The following TDRD12 variants were observed in gnomAD, a reference collection of about 807,000 sequenced individuals.
TDRD12 encodes the protein putative ATP-dependent RNA helicase TDRD12.
TDRD12 carries 158 observed loss-of-function variants against 133.5 expected under a neutral mutation model. The observed-to-expected ratio is 1.18, with a 90% CI of 1.04 to 1.35. The LOEUF is 1.35. TDRD12 is among the 40% of genes most tolerant of loss of function. The probability of loss-of-function intolerance (pLI) is 0.00; values close to 1 mark genes in which losing one functional copy is unlikely to be tolerated. For synonymous variants in TDRD12, 460 were observed against 477.9 expected, an observed-to-expected ratio of 0.96 and a Z score of 0.49; for missense variants, 1,443 against 1,321.3, an observed-to-expected ratio of 1.09 and a Z score of -1.43.
chr19:32,814,134 C>T (rs1967097378), intron 25 of TDRD12, among the ~76,000 whole-genome samples: 1 of 152,218 alleles, frequency 6.6e-6, no homozygotes, highest in African/African-American at 2.4e-5. Context: ...GCACCTGCCA[C>T]GTGCCAGGAG....
chr19:32,764,838 C>A (rs1458449622), intron 8 of TDRD12, among the ~76,000 whole-genome samples: 1 of 152,152 alleles, frequency 6.6e-6, no homozygotes, highest in East Asian at 1.9e-4. Context: ...GCAAGGACTT[C>A]ATGTCTAAAA....
intron 1 of TDRD12, among the ~76,000 whole-genome samples, chr19:32,721,851 G>A (rs1968690187): frequency 6.6e-6 from 1 of 151,620 alleles, no homozygotes; most frequent in African/African-American, 2.4e-5. Context: ...GGGACTACAG[G>A]CGGCCACCAC....
intron 3 of TDRD12, among the ~76,000 whole-genome samples, chr19:32,741,953 C>A (rs570128422): frequency 3.9e-5 from 6 of 152,098 alleles, no homozygotes; most frequent in African/African-American, 1.2e-4. Context: ...AATTGCCAAA[C>A]TTATTATTTA....
chr19:32,784,030 T>G (rs1970841032), intron 11 of TDRD12, among the ~76,000 whole-genome samples: 1 of 152,214 alleles, frequency 6.6e-6, no homozygotes, highest in Non-Finnish European at 1.5e-5. Context: ...CAATACTATG[T>G]CAAATAGGAG....
intron 1 of TDRD12, 46 bp from the exon 2 acceptor site, chr19:32,731,679 C>T (rs890376429): frequency 1.6e-5 from 23 of 1,455,672 alleles, no homozygotes; most frequent in Non-Finnish European, 2.0e-5. Context: ...TGTGGTACTA[C>T]TTTTAAATCA....
At position 32,729,778 on chromosome 19, in the gene TDRD12, C is replaced by CTTTTTTTTTT. The variant is rs1162347194; in HGVS notation, c.25-1928_25-1919dup. ...TTTCTGGTGACTACTTTTTCTTTTT[C>CTTTTTTTTTT]TTTTTTTTTTTTTTTTTTTTTTTTT... On this transcript the variant is annotated intron_variant, in intron 1 of 27. Coordinates refer to ENST00000444215, the Ensembl canonical transcript of TDRD12. 9.9e-4 allele frequency among the ~76,000 whole-genome samples: 73 copies of CTTTTTTTTTT among 73,690 alleles called. 1 individual carries two copies. Among genetic ancestry groups the CTTTTTTTTTT allele is most frequent in the Non-Finnish European group, 1.2e-3 (49 of 40,940 alleles). 48.3% of individuals were successfully genotyped at this position (73,690 alleles called of 152,430 possible).
At position 32,723,258 on chromosome 19, in the gene TDRD12, G is replaced by T. The variant is rs1355686936; in HGVS notation, c.24+3162G>T. Among the ~76,000 whole-genome samples the T allele has an allele frequency of 4.8e-5, 7 of 145,636 alleles. No individual in the cohort carries two copies. In the East Asian group the frequency reaches 1.4e-3, roughly 29 times the overall value. On this transcript the variant is annotated intron_variant, in intron 1 of 27. Coordinates refer to ENST00000444215, the Ensembl canonical transcript of TDRD12. Reference sequence around the variant, plus strand: ...CTGTAGCTTTATAGGTAACTATTTTGTTTTTTTTTTGAGACGGAGTCTTGC... The same window carrying T: ...CTGTAGCTTTATAGGTAACTATTTTTTTTTTTTTTTGAGACGGAGTCTTGC...
chr19:32,777,045 T>G (rs1337641819), intron 10 of TDRD12, 104 bp from the exon 11 acceptor site: 1 of 738,686 alleles, frequency 1.4e-6, no homozygotes, highest in Non-Finnish European at 2.2e-6. Context: ...CACACCACCA[T>G]GCCCGGCATT....
exon 6 of TDRD12, chr19:32,749,817 T>C: frequency 6.4e-7 from 1 of 1,550,898 alleles, no homozygotes. Context: ...TTATGTGCTG[T>C]GGAAGAAGAT....
chr19:32,720,137 T>TGCCCCC, intron 1 of TDRD12, 41 bp downstream of exon 1: 2 of 1,520,030 alleles, frequency 1.3e-6, no homozygotes, highest in Non-Finnish European at 1.8e-6. Flanking sequence ...ACCCACGCAG[T>TGCCCCC]CCCCCACCCC....
intron 8 of TDRD12, among the ~76,000 whole-genome samples, chr19:32,770,504 T>C (rs1178467286): frequency 6.6e-6 from 1 of 152,210 alleles, no homozygotes. Context: ...TGTCCTCACA[T>C]CAAGAACGTC....
rs968900137 is a variant in TDRD12 at position 32,827,305 on chromosome 19, G to A, written c.*139G>A. On this transcript the variant is annotated 3_prime_UTR_variant, in exon 10 of 10. Transcript: ENST00000637289. ...CGGCTGGAAGATGTTGAACAAAAAT[G>A]GATATTGCCATGTGACCGACAGTTA... 1.3e-5 allele frequency: 15 copies of A among 1,161,712 alleles called. No individual in the cohort carries two copies. The African/African-American group carries it at 2.2e-4, about 17-fold the overall frequency. The allele number at this position is 1,161,712 out of a possible 1,614,324, so 72.0% of individuals were successfully genotyped here.
At chr19:32,734,644 A>T (rs768023704) in intron 2 of TDRD12, among the ~76,000 whole-genome samples, 34 of 152,118 alleles carry the variant, frequency 2.2e-4, no homozygotes, top group Non-Finnish European at 4.3e-4. Flanking sequence ...AAACGCTGGG[A>T]TTACAGGCAT....
At chr19:32,775,434 G>A (rs1376972406) in intron 10 of TDRD12, among the ~76,000 whole-genome samples, 6 of 152,130 alleles carry the variant, frequency 3.9e-5, no homozygotes, top group African/African-American at 9.7e-5. Flanking sequence ...GGGCTTAAGC[G>A]ATCCTCCGGC....
intron 2 of TDRD12, among the ~76,000 whole-genome samples, chr19:32,735,767 C>T (rs150934997): frequency 0.052 from 7,897 of 151,824 alleles, 351 homozygotes; most frequent in East Asian, 0.24. Context: ...GTCAGGAGTT[C>T]GAGACCAGCC....
chr19:32,735,473 T>C (rs139561460), intron 2 of TDRD12, among the ~76,000 whole-genome samples: 2 of 152,264 alleles, frequency 1.3e-5, no homozygotes, highest in Admixed American at 6.5e-5. Context: ...TAGCGGAGGT[T>C]GGTTCATGAG....
chr19:32,743,011 G>C, intron 4 of TDRD12, 111 bp downstream of exon 4: 1 of 1,330,756 alleles, frequency 7.5e-7, no homozygotes, highest in Non-Finnish European at 1.0e-6. Context: ...GGAGGTCTCT[G>C]TTCTTCAGGA....
downstream of TDRD12, among the ~76,000 whole-genome samples, chr19:32,825,422 G>A (rs1003764765): frequency 7.9e-5 from 12 of 152,246 alleles, no homozygotes; most frequent in African/African-American, 1.9e-4. The surrounding 1 kb of genome is among the most constrained non-coding windows in gnomAD (Gnocchi z 4.1). Flanking sequence ...CTCCTCGTGC[G>A]TGCTGGCCGC....
intron 11 of TDRD12, among the ~76,000 whole-genome samples, chr19:32,788,057 T>C (rs1970960582): frequency 6.6e-6 from 1 of 152,194 alleles, no homozygotes; most frequent in Admixed American, 6.5e-5. Flanking sequence ...CTGTTCCTAT[T>C]TGGCCATCTT....
Sources: allele counts gnomAD v4.1 joint callset (sites outside exome capture counted in the v4.1 genomes callset), GRCh38; gene constraint gnomAD v4.1.1; non-coding constraint Gnocchi (gnomAD v3.1); transcripts MANE v1.5; gene names NCBI Gene and HGNC (gene_info 2026-07-23, HGNC 2026-07-21).